The following COLEC12 variants were observed in gnomAD, a reference collection of about 807,000 sequenced individuals.
COLEC12 encodes collectin-12.
COLEC12 carries 33 observed loss-of-function variants against 71.1 expected under a neutral mutation model. The observed-to-expected ratio is 0.46, with a 90% CI of 0.35 to 0.62. The LOEUF (loss-of-function observed/expected upper bound fraction) is 0.62. COLEC12 is among the 20% of genes least tolerant of loss of function. The pLI, the probability that COLEC12 is intolerant of heterozygous loss-of-function variation, is 0.00. For synonymous variants in COLEC12, 350 were observed against 353.0 expected (o/e 0.99, Z 0.10); for missense variants, 765 against 916.1 (o/e 0.84, Z 2.13).
intron 2 of COLEC12, among the ~76,000 whole-genome samples, chr18:377,137 C>T (rs746863121): frequency 2.0e-5 from 3 of 152,198 alleles, no homozygotes; most frequent in Non-Finnish European, 4.4e-5. Flanking sequence ...GAGGGCAGAG[C>T]TTCAGTGGGT....
At chr18:380,740 C>T (rs944636426) in intron 2 of COLEC12, among the ~76,000 whole-genome samples, 1 of 152,126 alleles carries the variant, frequency 6.6e-6, no homozygotes, top group African/African-American at 2.4e-5. Context: ...GTGAGCTGTA[C>T]ATCAGAAATC....
At chr18:484,505 A>G (rs1917483353) in intron 1 of COLEC12, among the ~76,000 whole-genome samples, 1 of 152,228 alleles carries the variant, frequency 6.6e-6, no homozygotes, top group African/African-American at 2.4e-5. Flanking sequence ...CATGAGGGGT[A>G]CAAGTTTAAG....
chr18:449,740 C>T (rs775310549), intron 2 of COLEC12, among the ~76,000 whole-genome samples: 6 of 152,166 alleles, frequency 3.9e-5, no homozygotes, highest in Admixed American at 6.5e-5. Context: ...GGCAGGGACA[C>T]GAGAGCCAGG....
chr18:434,329 C>T (rs969187524), intron 2 of COLEC12, among the ~76,000 whole-genome samples: 1 of 152,160 alleles, frequency 6.6e-6, no homozygotes, highest in Non-Finnish European at 1.5e-5. Context: ...AAAGAAGATA[C>T]ACAATGTTTA....
intron 2 of COLEC12, among the ~76,000 whole-genome samples, chr18:447,743 T>C (rs1409208703): frequency 6.6e-6 from 1 of 152,192 alleles, no homozygotes; most frequent in Non-Finnish European, 1.5e-5. Flanking sequence ...TGCTAATATG[T>C]AGTAAACATA....
chr18:494,359 G>A (rs1399221245), intron 1 of COLEC12, among the ~76,000 whole-genome samples: 2 of 152,192 alleles, frequency 1.3e-5, no homozygotes, highest in Non-Finnish European at 2.9e-5. Context: ...GAAGCAGCAG[G>A]TTATAATACA....
chr18:434,629 T>C (rs904625187), intron 2 of COLEC12, among the ~76,000 whole-genome samples: 6 of 152,232 alleles, frequency 3.9e-5, no homozygotes, highest in South Asian at 2.1e-4. Context: ...CCTGGAGTGA[T>C]GCAATGCACT....
chr18:416,643 TG>T (rs1915991246), intron 2 of COLEC12, among the ~76,000 whole-genome samples: 1 of 152,192 alleles, frequency 6.6e-6, no homozygotes, highest in African/African-American at 2.4e-5. Context: ...TCCACCGCCA[TG>T]CTGGGCGGTG....
At chr18:440,289 T>C (rs1462862467) in intron 2 of COLEC12, among the ~76,000 whole-genome samples, 2 of 151,782 alleles carry the variant, frequency 1.3e-5, no homozygotes, top group East Asian at 3.9e-4. Flanking sequence ...ATGTATAGCA[T>C]GGTAACTGTA....
At chr18:436,515 C>CAA (rs1235317721) in intron 2 of COLEC12, among the ~76,000 whole-genome samples, 1 of 7,556 alleles carries the variant, frequency 1.3e-4, no homozygotes, top group African/African-American at 4.7e-4. Context: ...GACTCCATCT[C>CAA]AAAAAAAAAA....
At chr18:454,631 G>A (rs1045644685) in intron 2 of COLEC12, among the ~76,000 whole-genome samples, 1 of 152,188 alleles carries the variant, frequency 6.6e-6, no homozygotes, top group Non-Finnish European at 1.5e-5. Flanking sequence ...GCAGTGAGCC[G>A]AGATCACGTC....
chr18:371,607 G>A (rs1915001231), intron 2 of COLEC12, among the ~76,000 whole-genome samples: 1 of 152,096 alleles, frequency 6.6e-6, no homozygotes, highest in South Asian at 2.1e-4. Context: ...TTTTTTTAAA[G>A]AAAGAGAAGA....
At chr18:427,647 C>T (rs1187472056) in intron 2 of COLEC12, among the ~76,000 whole-genome samples, 1 of 152,190 alleles carries the variant, frequency 6.6e-6, no homozygotes, top group East Asian at 1.9e-4. Flanking sequence ...AAGACCTTGT[C>T]TTCTTCATTG....
At chr18:359,731 A>G (rs143269496) in intron 2 of COLEC12, among the ~76,000 whole-genome samples, 1 of 152,318 alleles carries the variant, frequency 6.6e-6, no homozygotes, top group African/African-American at 2.4e-5. Flanking sequence ...TGTTTTCCTG[A>G]CCTGTTTCCC....
chr18:416,213 A>G (rs948724897), intron 2 of COLEC12, among the ~76,000 whole-genome samples: 7 of 152,286 alleles, frequency 4.6e-5, no homozygotes, highest in African/African-American at 1.4e-4. Flanking sequence ...CACCCCCCCA[A>G]AAAAATTCAT....
At chr18:428,997 G>A (rs1188968471) in intron 2 of COLEC12, among the ~76,000 whole-genome samples, 1 of 152,168 alleles carries the variant, frequency 6.6e-6, no homozygotes, top group Admixed American at 6.5e-5. Flanking sequence ...CATTTTGGGG[G>A]TAATCATAAT....
chr18:382,733 T>G (rs1166990365), intron 2 of COLEC12, among the ~76,000 whole-genome samples: 1 of 152,074 alleles, frequency 6.6e-6, no homozygotes, highest in Non-Finnish European at 1.5e-5. Context: ...TGGCACAAAG[T>G]GGGCCAGTGT....
chr18:375,289 C>T lies in COLEC12; in HGVS notation c.59-17767G>A, dbSNP rs9951972. 8.8e-3 allele frequency among the ~76,000 whole-genome samples: 1,338 copies of T among 152,338 alleles called. 16 individuals carry two copies. Among genetic ancestry groups the T allele is most frequent in the African/African-American group, 0.028 (1,180 of 41,580 alleles). ...TGGCCTCCTCACCAGGCCTCGAACACACCAGGCCTGCCACCACAAGGCCTT... is the reference window on the plus strand; with the variant it reads ...TGGCCTCCTCACCAGGCCTCGAACATACCAGGCCTGCCACCACAAGGCCTT... On this transcript the variant is annotated intron_variant, in intron 2 of 9. Coordinates refer to ENST00000400256, the MANE Select transcript of COLEC12 (RefSeq NM_130386.3).
chr18:469,099 A>G (rs1004678997), intron 2 of COLEC12, among the ~76,000 whole-genome samples: 4 of 152,184 alleles, frequency 2.6e-5, no homozygotes, highest in Admixed American at 2.0e-4. Context: ...CTCATCCCCA[A>G]CCTTTTCTGC....
Sources: gnomAD v4.1 joint callset for allele counts (sites outside exome capture counted in the v4.1 genomes callset) on GRCh38, gnomAD v4.1.1 for gene constraint, MANE v1.5 for transcripts, NCBI Gene and HGNC (gene_info 2026-07-23, HGNC 2026-07-21) for gene names.